Variants in NSD1 observed in about 807,000 individuals in gnomAD.
NSD1 encodes nuclear receptor binding SET domain protein 1.
A neutral mutation model predicts 242.7 loss-of-function variants in NSD1; 26 were observed. The ratio of observed to expected loss-of-function variants is 0.11; its 90% CI spans 0.08 to 0.15. The LOEUF (loss-of-function observed/expected upper bound fraction) is 0.15, where lower values mean the gene tolerates loss of function less well. Among genes scored for constraint, NSD1 ranks in the 10% least tolerant of loss-of-function variants. The probability of loss-of-function intolerance (pLI) is 1.00; values close to 1 mark genes in which losing one functional copy is unlikely to be tolerated. For synonymous variants in NSD1, 1,106 were observed against 1,178.1 expected (o/e 0.94, Z 1.25); for missense variants, 2,495 against 3,272.8 (o/e 0.76, Z 5.80).
Position 177,269,643 on chromosome 5 carries a change from C to T in NSD1, c.5345C>T (p.Ser1782Phe). Residue 1782 changes from serine (S) to phenylalanine (F), a missense_variant, in exon 16 of 23, where the codon TCC becomes TTC. By Grantham distance (155) the Ser-to-Phe change is radical (BLOSUM62 -2). Coordinates refer to ENST00000439151, the MANE Select transcript of NSD1 (RefSeq NM_022455.5). The surrounding 1 kb of genome is among the most constrained non-coding windows in gnomAD (Gnocchi z 5.1). ...AEICHPRAVP[S>F]NIDKMRHDVG... ...ATCTGCCATCCTCGAGCTGTTCCTT[C>T]CAACATTGATAAGATGAGACATGAT... The T allele has an allele frequency of 6.2e-7, 1 of 1,614,114 alleles. No individual in the cohort carries two copies. The highest frequency in any genetic ancestry group is 8.5e-7 in the Non-Finnish European group (1 of 1,180,026).
chr5:177,209,315 G>A (rs1763141194), intron 4 of NSD1, among the ~76,000 whole-genome samples: 1 of 151,610 alleles, frequency 6.6e-6, no homozygotes, highest in South Asian at 2.1e-4. Flanking sequence ...ATCACTTCAG[G>A]TCAGGAGTTT....
upstream of NSD1, among the ~76,000 whole-genome samples, chr5:177,132,331 A>T (rs1238035990): frequency 6.6e-6 from 1 of 151,318 alleles, no homozygotes; most frequent in East Asian, 1.9e-4. The surrounding 1 kb of genome is among the most constrained non-coding windows in gnomAD (Gnocchi z 7.5). Context: ...CGAGAACTGC[A>T]GCGTCCGCGG....
At chr5:177,221,537 T>A (rs1181117849) in intron 5 of NSD1, among the ~76,000 whole-genome samples, 1 of 151,928 alleles carries the variant, frequency 6.6e-6, no homozygotes, top group South Asian at 2.1e-4. Context: ...AGTGGTACAA[T>A]CTCAGCTCAC....
At chr5:177,246,441 A>G (rs1766299585) in intron 9 of NSD1, among the ~76,000 whole-genome samples, 1 of 152,210 alleles carries the variant, frequency 6.6e-6, no homozygotes, top group Admixed American at 6.5e-5. Flanking sequence ...AATTTCTGTA[A>G]TAACCTATAC....
intron 16 of NSD1, among the ~76,000 whole-genome samples, chr5:177,272,719 G>T (rs375819325): frequency 6.6e-6 from 1 of 152,066 alleles, no homozygotes; most frequent in South Asian, 2.1e-4. Flanking sequence ...GCAAAACCTT[G>T]TCTGTACAAA....
intron 21 of NSD1, 53 bp downstream of exon 21, chr5:177,288,978 C>A: frequency 8.0e-7 from 1 of 1,243,362 alleles, no homozygotes; most frequent in South Asian, 1.2e-5. Flanking sequence ...TCCTCCCTCC[C>A]TAACAGTGTT....
At chr5:177,264,570 T>A (rs547153557) in intron 14 of NSD1, among the ~76,000 whole-genome samples, 4 of 152,230 alleles carry the variant, frequency 2.6e-5, no homozygotes, top group Non-Finnish European at 5.9e-5. Flanking sequence ...GTAATCTTAC[T>A]CTGAATCTGA....
At chr5:177,235,677 G>A in intron 5 of NSD1, 144 bp from the exon 6 acceptor site, 1 of 1,021,326 alleles carries the variant, frequency 9.8e-7, no homozygotes, top group Non-Finnish European at 1.4e-6. Context: ...AAGCCATTTT[G>A]TGCCTCTTGC....
intron 15 of NSD1, among the ~76,000 whole-genome samples, chr5:177,268,439 C>T (rs889848994): frequency 1.3e-5 from 2 of 151,390 alleles, no homozygotes; most frequent in African/African-American, 2.4e-5. Context: ...TAACAAACCA[C>T]GTTGTGCACA....
rs2149848556 is a variant in NSD1, at chr5:177,211,864, G to A, written c.3465G>A (p.Val1155=). Residue 1155 remains valine, a synonymous_variant, in exon 5 of 23, where the codon GTG becomes GTA. Transcript: ENST00000439151. ...NDELNGVNQV[V]PKKRWQRLNQ... ...AACTCAATGGTGTAAATCAAGTGGTGCCTAAAAAGCGGTGGCAGCGTTTAA... is the reference window on the plus strand; with the variant it reads ...AACTCAATGGTGTAAATCAAGTGGTACCTAAAAAGCGGTGGCAGCGTTTAA... The A allele has an allele frequency of 2.5e-6, 4 of 1,612,878 alleles. No individual in the cohort carries two copies. Among genetic ancestry groups the A allele is most frequent in the Non-Finnish European group, 3.4e-6 (4 of 1,179,398 alleles).
intron 5 of NSD1, among the ~76,000 whole-genome samples, chr5:177,218,094 G>T (rs1763929320): frequency 6.6e-6 from 1 of 151,998 alleles, no homozygotes; most frequent in Non-Finnish European, 1.5e-5. Flanking sequence ...TAACCTTTTT[G>T]TACAGGTCAG....
intron 2 of NSD1, among the ~76,000 whole-genome samples, chr5:177,144,023 C>T (rs987549483): frequency 5.3e-5 from 8 of 151,984 alleles, no homozygotes; most frequent in East Asian, 1.9e-4. Flanking sequence ...CTCAGGTGAT[C>T]GACCCACCTC....
At chr5:177,253,487 G>A (rs1756171157) in intron 12 of NSD1, among the ~76,000 whole-genome samples, 2 of 152,098 alleles carry the variant, frequency 1.3e-5, no homozygotes, top group African/African-American at 2.4e-5. Context: ...GTAGTTTGTT[G>A]TATGGATTTA....
chr5:177,146,223 T>C lies in NSD1; in HGVS notation c.927+10193T>C, dbSNP rs1040111453. Among the ~76,000 whole-genome samples the C allele has an allele frequency of 1.2e-3, 158 of 130,600 alleles. 1 individual carries two copies. Among genetic ancestry groups the C allele is most frequent in the African/African-American group, 4.9e-3 (151 of 30,518 alleles). The allele number at this position is 130,600 out of a possible 152,430, so 85.7% of individuals were successfully genotyped here. ...ACCAATCGTTTTTTTTTTTTTTTTT[T>C]GAGTCGGAGTCTCCATCTGATGCCC... On this transcript the variant is annotated intron_variant, in intron 2 of 22. Transcript: ENST00000439151.
intron 17 of NSD1, among the ~76,000 whole-genome samples, chr5:177,278,968 G>A (rs1190642271): frequency 6.6e-6 from 1 of 152,194 alleles, no homozygotes; most frequent in Non-Finnish European, 1.5e-5. Flanking sequence ...TGACCTTCAT[G>A]TTTTAACTCA....
chr5:177,240,761 C>T lies in NSD1; in HGVS notation c.4302+896C>T, dbSNP rs1243995624. The stretch of plus-strand genomic sequence containing the variant: ...ATGGCTCAAGCCTATAATCCCAGGA[C>T]TTAGGGAACCCGAGGCAGTAGGATT... On this transcript the variant is annotated intron_variant, in intron 8 of 22. Coordinates refer to ENST00000439151, the MANE Select transcript of NSD1 (RefSeq NM_022455.5). Among the ~76,000 whole-genome samples, 4 of 151,960 alleles carry T rather than the reference C, an allele frequency of 2.6e-5. No individual in the cohort carries two copies. In the East Asian group the frequency reaches 5.8e-4, roughly 22 times the overall value.
At chr5:177,206,776 T>C (rs568861014) in intron 4 of NSD1, among the ~76,000 whole-genome samples, 1 of 152,158 alleles carries the variant, frequency 6.6e-6, no homozygotes, top group Non-Finnish European at 1.5e-5. Context: ...TTTAGAGGTG[T>C]TTATTGGGGC....
At chr5:177,267,413 A>T (rs1757580211) in intron 14 of NSD1, 149 bp from the exon 15 acceptor site, 1 of 713,104 alleles carries the variant, frequency 1.4e-6, no homozygotes, top group African/African-American at 1.8e-5. Flanking sequence ...TGCTGTTTAT[A>T]CTCTGGTCAT....
rs780306768 is a variant in NSD1, at chr5:177,211,491, G to A, written c.3092G>A (p.Arg1031Gln). ...CGRSKPSSKL[R>Q]DAFSAQMVKN... ...CGATCAAAGCCTTCATCCAAATTGCGAGATGCTTTTTCAGCCCAAATGGTA... is the reference window on the plus strand; with the variant it reads ...CGATCAAAGCCTTCATCCAAATTGCAAGATGCTTTTTCAGCCCAAATGGTA... Residue 1031 changes from arginine to glutamine, a missense_variant, in exon 5 of 23, where the codon CGA becomes CAA. Coordinates refer to ENST00000439151, the MANE Select transcript of NSD1 (RefSeq NM_022455.5). 32 of 1,613,974 alleles carry A rather than the reference G, an allele frequency of 2.0e-5. No individual in the cohort carries two copies. The Admixed American group carries it at 3.7e-4, about 18-fold the overall frequency.
Sources: gnomAD v4.1 joint callset for allele counts (sites outside exome capture counted in the v4.1 genomes callset) on GRCh38, gnomAD v4.1.1 for gene constraint, Gnocchi (gnomAD v3.1) non-coding constraint, MANE v1.5 for transcripts, NCBI Gene and HGNC (gene_info 2026-07-23, HGNC 2026-07-21) for gene names.